LHFPL6: variants seen among roughly 807,000 people sequenced by gnomAD.
The protein encoded by LHFPL6 is LHFPL tetraspan subfamily member 6 protein.
A neutral mutation model predicts 20.6 loss-of-function variants in LHFPL6; 9 were observed. The observed-to-expected ratio is 0.44, with a 90% CI of 0.26 to 0.76. The LOEUF is 0.76. LHFPL6 is among the 30% of genes least tolerant of loss of function. The pLI, the probability that LHFPL6 is intolerant of heterozygous loss-of-function variation, is 0.20. For synonymous variants in LHFPL6, 105 were observed against 98.7 expected, an observed-to-expected ratio of 1.06 and a Z score of -0.38; for missense variants, 218 against 253.5, an observed-to-expected ratio of 0.86 and a Z score of 0.95.
At chr13:39,369,107 G>GTA (rs1555258766) in intron 3 of LHFPL6, among the ~76,000 whole-genome samples, 3 of 117,718 alleles carry the variant, frequency 2.5e-5, no homozygotes, top group South Asian at 2.7e-4. Flanking sequence ...GGACAACACT[G>GTA]AAAAAAAAAA....
At chr13:39,462,185 C>T (rs1872705608) in intron 2 of LHFPL6, among the ~76,000 whole-genome samples, 1 of 152,142 alleles carries the variant, frequency 6.6e-6, no homozygotes, top group Non-Finnish European at 1.5e-5. Flanking sequence ...TTAGGTCTCT[C>T]TTCAGAAAGG....
chr13:39,373,211 T>C (rs1870203717), intron 3 of LHFPL6, among the ~76,000 whole-genome samples: 1 of 152,158 alleles, frequency 6.6e-6, no homozygotes, highest in Non-Finnish European at 1.5e-5. Flanking sequence ...TTTGTTTCCA[T>C]AAAACACAGG....
chr13:39,466,914 C>T (rs934524060), intron 2 of LHFPL6, among the ~76,000 whole-genome samples: 3 of 152,170 alleles, frequency 2.0e-5, no homozygotes, highest in Admixed American at 2.0e-4. Flanking sequence ...AGAAATTCTA[C>T]ACCATCATTA....
chr13:39,550,336 G>T (rs1392324398), intron 2 of LHFPL6, among the ~76,000 whole-genome samples: 1 of 151,974 alleles, frequency 6.6e-6, no homozygotes, highest in African/African-American at 2.4e-5. Context: ...TGTGGTGGGG[G>T]TTACACATTT....
At chr13:39,423,209 T>G (rs1302135798) in intron 2 of LHFPL6, among the ~76,000 whole-genome samples, 1 of 152,184 alleles carries the variant, frequency 6.6e-6, no homozygotes, top group Non-Finnish European at 1.5e-5. Flanking sequence ...TCAGATTATC[T>G]AAGACATTAC....
chr13:39,451,157 T>C (rs1872434487), intron 2 of LHFPL6, among the ~76,000 whole-genome samples: 1 of 137,578 alleles, frequency 7.3e-6, no homozygotes, highest in Non-Finnish European at 1.5e-5. Flanking sequence ...CTCCCAGTCA[T>C]GAGATCCATT....
intron 3 of LHFPL6, among the ~76,000 whole-genome samples, chr13:39,350,273 A>G (rs1869526117): frequency 6.6e-6 from 1 of 152,238 alleles, no homozygotes; most frequent in Admixed American, 6.5e-5. Context: ...ATAAATGTGA[A>G]AGCAAAACAT....
chr13:39,379,059 G>A (rs982292890), intron 2 of LHFPL6, among the ~76,000 whole-genome samples: 5 of 151,100 alleles, frequency 3.3e-5, no homozygotes, highest in Non-Finnish European at 7.4e-5. Flanking sequence ...ATTATTAGGC[G>A]ATGTGGAGAA....
chr13:39,512,990 G>C (rs1869778722), intron 2 of LHFPL6, among the ~76,000 whole-genome samples: 1 of 152,172 alleles, frequency 6.6e-6, no homozygotes, highest in African/African-American at 2.4e-5. Flanking sequence ...CGCTGTCCTG[G>C]GTGTTATTAG....
chr13:39,355,664 TG>T (rs1350346842), intron 3 of LHFPL6, among the ~76,000 whole-genome samples: 1 of 152,062 alleles, frequency 6.6e-6, no homozygotes, highest in African/African-American at 2.4e-5. Context: ...ATAACAACCA[TG>T]GGCTCAAAGT....
At chr13:39,378,728 C>A (rs1464655372) in intron 2 of LHFPL6, among the ~76,000 whole-genome samples, 2 of 152,182 alleles carry the variant, frequency 1.3e-5, no homozygotes, top group Non-Finnish European at 2.9e-5. Context: ...AAAAACTTGA[C>A]AGCTCAGTTT....
chr13:39,476,827 A>T (rs977630245), intron 2 of LHFPL6, among the ~76,000 whole-genome samples: 1 of 152,230 alleles, frequency 6.6e-6, no homozygotes, highest in Non-Finnish European at 1.5e-5. Flanking sequence ...CAGACTCACA[A>T]GCTTAAAAGC....
chr13:39,572,288 CTGTGTGTGTGTGTGTG>C (rs3222813), intron 2 of LHFPL6, among the ~76,000 whole-genome samples: 65 of 143,510 alleles, frequency 4.5e-4, no homozygotes, highest in Non-Finnish European at 8.2e-4. Context: ...TTTTTAAACT[CTGTGTGTGTGTGTGTG>C]TGTGTGTGTG....
At chr13:39,575,872 A>C (rs903003075) in intron 2 of LHFPL6, among the ~76,000 whole-genome samples, 13 of 152,138 alleles carry the variant, frequency 8.5e-5, no homozygotes, top group Admixed American at 6.5e-4. Context: ...CAGCTGAAGG[A>C]TTATCTGTGC....
chr13:39,508,669 C>A (rs926314768), intron 2 of LHFPL6, among the ~76,000 whole-genome samples: 1 of 152,054 alleles, frequency 6.6e-6, no homozygotes, highest in Non-Finnish European at 1.5e-5. Context: ...AAATTCATTC[C>A]TTTTCACTGG....
At chr13:39,351,124 C>T (rs1869558253) in intron 3 of LHFPL6, among the ~76,000 whole-genome samples, 1 of 152,146 alleles carries the variant, frequency 6.6e-6, no homozygotes, top group Non-Finnish European at 1.5e-5. Context: ...AGTATGATGA[C>T]CTGATCACAA....
At chr13:39,484,372 CTT>C (rs1868640454) in intron 2 of LHFPL6, among the ~76,000 whole-genome samples, 1 of 152,092 alleles carries the variant, frequency 6.6e-6, no homozygotes, top group African/African-American at 2.4e-5. Flanking sequence ...CTTGAGGTCT[CTT>C]TAGTTTGCTG....
intron 2 of LHFPL6, among the ~76,000 whole-genome samples, chr13:39,393,308 C>T (rs1392194342): frequency 6.6e-6 from 1 of 152,142 alleles, no homozygotes; most frequent in Non-Finnish European, 1.5e-5. Context: ...ATTCAAAACA[C>T]GGAAGAAGTG....
intron 2 of LHFPL6, among the ~76,000 whole-genome samples, chr13:39,429,083 T>C (rs543238722): frequency 5.9e-5 from 9 of 152,232 alleles, no homozygotes; most frequent in African/African-American, 1.9e-4. Flanking sequence ...ATATTCCTCT[T>C]GCACTTGAAA....
Sources: allele counts gnomAD v4.1 joint callset (sites outside exome capture counted in the v4.1 genomes callset), GRCh38; gene constraint gnomAD v4.1.1; transcripts MANE v1.5; gene names NCBI Gene and HGNC (gene_info 2026-07-23, HGNC 2026-07-21).